Variants in EXTL2 observed in about 807,000 individuals in gnomAD.
The protein encoded by EXTL2 is exostosin like glycosyltransferase 2.
Under a neutral mutation model 30.7 loss-of-function variants are expected in EXTL2, and 23 were observed. The ratio of observed to expected loss-of-function variants is 0.75; its 90% CI spans 0.54 to 1.06. The LOEUF is 1.06. Among genes scored for constraint, EXTL2 ranks in the 50% least tolerant of loss-of-function variants. The pLI, the probability that EXTL2 is intolerant of heterozygous loss-of-function variation, is 0.00. For missense variants in EXTL2, 352 were observed against 396.3 expected (o/e 0.89, Z 0.95); for synonymous variants, 123 against 133.8 (o/e 0.92, Z 0.56).
intron 2 of EXTL2, among the ~76,000 whole-genome samples, chr1:100,878,952 C>G (rs540329847): frequency 6.6e-6 from 1 of 152,190 alleles, no homozygotes; most frequent in East Asian, 1.9e-4. Flanking sequence ...GTATTATTAT[C>G]AGCTATGTAC....
intron 4 of EXTL2, among the ~76,000 whole-genome samples, chr1:100,875,562 T>C (rs1452487593): frequency 6.6e-6 from 1 of 151,902 alleles, no homozygotes; most frequent in Non-Finnish European, 1.5e-5. Context: ...ACACTAAAAG[T>C]GGAGGTAATG....
At chr1:100,893,486 T>C (rs79212979) in intron 1 of EXTL2, among the ~76,000 whole-genome samples, 2,039 of 152,270 alleles carry the variant, frequency 0.013, 55 homozygotes, top group African/African-American at 0.045. Context: ...ATAACTACTC[T>C]TTTCCATAAA....
intron 2 of EXTL2, 179 bp downstream of exon 2, chr1:100,888,574 T>C (rs1650158729): frequency 2.5e-6 from 1 of 400,324 alleles, no homozygotes; most frequent in African/African-American, 2.0e-5. Context: ...ACAGTTGTTG[T>C]TCAGTGGGTA....
At chr1:100,888,638 T>G in intron 2 of EXTL2, 115 bp downstream of exon 2, 1 of 462,858 alleles carries the variant, frequency 2.2e-6, no homozygotes, top group Non-Finnish European at 3.9e-6. Flanking sequence ...CGCACAACAA[T>G]GTGAAAACAG....
chr1:100,881,156 T>C (rs1016980550), intron 2 of EXTL2: 15 of 572,534 alleles, frequency 2.6e-5, no homozygotes, highest in African/African-American at 1.2e-4. Context: ...AATAAAATTA[T>C]GTAAATTTTA....
At chr1:100,886,874 G>T (rs192743349) in intron 2 of EXTL2, among the ~76,000 whole-genome samples, 72 of 152,262 alleles carry the variant, frequency 4.7e-4, no homozygotes, top group African/African-American at 1.7e-3. Flanking sequence ...TGATGATAAT[G>T]ATAATGATGA....
At chr1:100,885,075 G>GGGGGGGGAACCA (rs1649856274) in intron 2 of EXTL2, among the ~76,000 whole-genome samples, 1 of 152,196 alleles carries the variant, frequency 6.6e-6, no homozygotes, top group African/African-American at 2.4e-5. Context: ...TCCCTACATA[G>GGGGGGGGAACCA]AAGAGCTGGG....
chr1:100,882,542 C>A (rs1649643705), intron 2 of EXTL2, among the ~76,000 whole-genome samples: 1 of 152,238 alleles, frequency 6.6e-6, no homozygotes, highest in Non-Finnish European at 1.5e-5. Context: ...CCCCGGGAGG[C>A]CCAGCATGAT....
chr1:100,877,957 T>G lies in EXTL2; in HGVS notation c.6-54A>C. The G allele has an allele frequency of 7.5e-7, 1 of 1,336,488 alleles. No homozygotes were observed. The highest frequency in any genetic ancestry group is 1.0e-6 in the Non-Finnish European group (1 of 981,940). The allele number at this position is 1,336,488 out of a possible 1,614,324, so 82.8% of individuals were successfully genotyped here. ...ATGTTAGCATTCTTACGAGTCCCTGTGTTTTCATGTTTTTTTCCAATGAGG... is the reference window on the plus strand; with the variant it reads ...ATGTTAGCATTCTTACGAGTCCCTGGGTTTTCATGTTTTTTTCCAATGAGG... On this transcript the variant is annotated intron_variant, in intron 2 of 4. Coordinates refer to ENST00000370114, the MANE Select transcript of EXTL2 (RefSeq NM_001033025.3). This position sits in a 1 kb window ranked among gnomAD's most constrained non-coding sequence, Gnocchi z 4.1.
chr1:100,894,278 C>T (rs1274204879), intron 1 of EXTL2, among the ~76,000 whole-genome samples: 1 of 151,956 alleles, frequency 6.6e-6, no homozygotes, highest in Non-Finnish European at 1.5e-5. Context: ...CTCAGCAGTG[C>T]AGTAGAGTAA....
At chr1:100,892,100 C>A (rs530816084) in intron 1 of EXTL2, among the ~76,000 whole-genome samples, 1 of 152,122 alleles carries the variant, frequency 6.6e-6, no homozygotes, top group African/African-American at 2.4e-5. Flanking sequence ...ATATTGTCAA[C>A]TTGATTGAAT....
intron 2 of EXTL2, among the ~76,000 whole-genome samples, chr1:100,881,784 AAC>A (rs1649576539): frequency 6.6e-6 from 1 of 152,228 alleles, no homozygotes; most frequent in South Asian, 2.1e-4. Context: ...ATAGGTAGAG[AAC>A]ACATCCTTTT....
Position 100,876,840 on chromosome 1 carries a change from G to A in EXTL2, c.458C>T (p.Thr153Ile), listed in dbSNP as rs745974940. Residue 153 changes from threonine to isoleucine, a missense_variant, in exon 4 of 5, where the codon ACA (threonine) becomes ATA (isoleucine). Thr to Ile is a moderately conservative substitution (Grantham distance 89). Coordinates refer to ENST00000370114, the MANE Select transcript of EXTL2 (RefSeq NM_001033025.3). ...AACAAGGTCTGGGGTGCTGATGAGTGTGTCATCATCTACCATCAACACTGC... is the reference window on the plus strand; with the variant it reads ...AACAAGGTCTGGGGTGCTGATGAGTATGTCATCATCTACCATCAACACTGC... ...TNAVLMVDDD[T>I]LISTPDLVFA... is the part of the protein sequence containing the mutation. The A allele has an allele frequency of 1.7e-5, 27 of 1,611,278 alleles. No homozygotes were observed. In the East Asian group the frequency reaches 5.8e-4, roughly 35 times the overall value.
chr1:100,891,805 C>T (rs1650446308), intron 1 of EXTL2, among the ~76,000 whole-genome samples: 1 of 152,142 alleles, frequency 6.6e-6, no homozygotes, highest in East Asian at 1.9e-4. Flanking sequence ...TAACTTGGTG[C>T]CTGGTGGCCT....
Position 100,888,803 on chromosome 1 carries a change from A to G in EXTL2, c.-46T>C, listed in dbSNP as rs968336407. 1 of 1,490,626 alleles carries G rather than the reference A, an allele frequency of 6.7e-7. No homozygotes were observed. The allele number at this position is 1,490,626 out of a possible 1,614,324, so 92.3% of individuals were successfully genotyped here. ...AAAAAATCTCCTTATAGCTTCAGTA[A>G]TTGACAGAAGCAGGCTCACTTGTCA... On this transcript the variant is annotated 5_prime_UTR_variant, in exon 2 of 5. Transcript: ENST00000370114.
intron 1 of EXTL2, among the ~76,000 whole-genome samples, chr1:100,893,556 G>A (rs1650598772): frequency 6.6e-6 from 1 of 152,124 alleles, no homozygotes; most frequent in Non-Finnish European, 1.5e-5. Context: ...ACCCAGCACA[G>A]AGCCTGGCAC....
At chr1:100,874,712 C>T (rs924367123) in intron 4 of EXTL2, among the ~76,000 whole-genome samples, 2 of 152,024 alleles carry the variant, frequency 1.3e-5, no homozygotes, top group Middle Eastern at 3.2e-3. Flanking sequence ...TTAACAAATT[C>T]CAGTCACCAA....
chr1:100,879,025 C>T (rs938285675), intron 2 of EXTL2, among the ~76,000 whole-genome samples: 1 of 152,120 alleles, frequency 6.6e-6, no homozygotes, highest in African/African-American at 2.4e-5. Flanking sequence ...CAGTAGTGAA[C>T]AAATTGATAA....
At chr1:100,878,979 T>C (rs1649351772) in intron 2 of EXTL2, among the ~76,000 whole-genome samples, 1 of 152,126 alleles carries the variant, frequency 6.6e-6, no homozygotes, top group Non-Finnish European at 1.5e-5. Context: ...ATCTTCCTTA[T>C]TGTACCTAAA....
Sources: allele counts gnomAD v4.1 joint callset (sites outside exome capture counted in the v4.1 genomes callset), GRCh38; gene constraint gnomAD v4.1.1; non-coding constraint Gnocchi (gnomAD v3.1); transcripts MANE v1.5; gene names NCBI Gene and HGNC (gene_info 2026-07-23, HGNC 2026-07-21).